The following ADGB variants were observed in gnomAD, a reference collection of about 807,000 sequenced individuals.
The protein encoded by ADGB is androglobin.
In ADGB, 172 loss-of-function variants were observed where a neutral mutation model predicts 210.5. That is an observed-to-expected ratio of 0.82 (90% CI 0.72 to 0.93). The LOEUF is 0.93. Among genes scored for constraint, ADGB ranks in the 40% least tolerant of loss-of-function variants. The probability of loss-of-function intolerance (pLI) is 0.00; values close to 1 mark genes in which losing one functional copy is unlikely to be tolerated. For missense variants in ADGB, 2,025 were observed against 1,964.8 expected, an observed-to-expected ratio of 1.03 and a Z score of -0.58; for synonymous variants, 658 against 662.7, an observed-to-expected ratio of 0.99 and a Z score of 0.11.
At chr6:146,713,164 A>G (rs979855568) in intron 13 of ADGB, among the ~76,000 whole-genome samples, 2 of 152,184 alleles carry the variant, frequency 1.3e-5, no homozygotes, top group Non-Finnish European at 2.9e-5. Context: ...TCATTTGTCA[A>G]TAGATATTGG....
chr6:146,622,290 TC>T (rs1472935802), intron 1 of ADGB, among the ~76,000 whole-genome samples: 1 of 152,138 alleles, frequency 6.6e-6, no homozygotes, highest in Non-Finnish European at 1.5e-5. Flanking sequence ...AGCTAGTTTC[TC>T]TTTTTAGGGC....
intron 1 of ADGB, among the ~76,000 whole-genome samples, chr6:146,601,425 G>C (rs997705074): frequency 3.9e-4 from 59 of 152,306 alleles, no homozygotes; most frequent in African/African-American, 1.3e-3. Flanking sequence ...ATAATTGGAT[G>C]TTAAGTTCAT....
At chr6:146,724,981 C>G (rs1776873259) in intron 18 of ADGB, 1 of 152,068 alleles carries the variant, frequency 6.6e-6, no homozygotes, top group African/African-American at 2.4e-5. Flanking sequence ...ACTTTTTTCC[C>G]AAGATCAATC....
chr6:146,630,576 A>G (rs1781049991), intron 1 of ADGB, among the ~76,000 whole-genome samples: 1 of 152,120 alleles, frequency 6.6e-6, no homozygotes, highest in African/African-American at 2.4e-5. Context: ...CAAAAAAAGA[A>G]TAAGGATCTT....
In ADGB at chr6:146,733,230, T is replaced by C. The variant is rs982233208; in HGVS notation, c.2631T>C (p.Asn877=). 3.3e-6 allele frequency: 5 copies of C among 1,537,670 alleles called. No individual in the cohort carries two copies. The highest frequency in any genetic ancestry group is 4.4e-6 in the Non-Finnish European group (5 of 1,140,092). ...RAMVLDLELL[N]SSLEEVSLVE... ...TGGTTTTGGACTTGGAGTTACTCAA[T>C]TCCTCCTTGGAAGAGGTTTCTTTAG... Residue 877 remains asparagine (N), a synonymous_variant, in exon 21 of 36, where the codon AAT becomes AAC. Transcript: ENST00000397944.
Position 146,692,419 on chromosome 6 carries a change from A to G in ADGB, c.1487-406A>G, listed in dbSNP as rs542720125. Among the ~76,000 whole-genome samples, 26 of 152,270 alleles carry G rather than the reference A, an allele frequency of 1.7e-4. No homozygotes were observed. The South Asian group carries it at 5.4e-3, about 32-fold the overall frequency. ...TTTGTTCTTCCACTGCCGTATTCAT[A>G]TGTTAGTTCACATTTCCTCCTTATA... On this transcript the variant is annotated intron_variant, in intron 11 of 35. Coordinates refer to ENST00000397944, the MANE Select transcript of ADGB (RefSeq NM_024694.4).
chr6:146,724,611 A>G lies in ADGB; in HGVS notation c.2237+284A>G, dbSNP rs141811740. ...GAGCTTGTTTAACCCAGCATTTTCT[A>G]AAATTAATTTATAAATATTATACAC... On this transcript the variant is annotated intron_variant, in intron 18 of 35. Coordinates refer to ENST00000397944, the MANE Select transcript of ADGB (RefSeq NM_024694.4). 54 of 199,538 alleles carry G rather than the reference A, an allele frequency of 2.7e-4. No homozygotes were observed. The East Asian group carries it at 3.6e-3, about 13-fold the overall frequency. The allele number at this position is 199,538 out of a possible 1,614,324, so 12.4% of individuals were successfully genotyped here. A position where few individuals can be genotyped will look rare whatever the true frequency, so the allele number is the denominator to read the frequency against.
At chr6:146,721,265 A>G (rs1776808310) in intron 16 of ADGB, 138 bp from the exon 17 acceptor site, 2 of 599,508 alleles carry the variant, frequency 3.3e-6, no homozygotes, top group Non-Finnish European at 5.9e-6. Flanking sequence ...AATTAGATTC[A>G]TAAAGTATTT....
At position 146,743,256 on chromosome 6, in the gene ADGB, T is replaced by C. The variant is rs187183045; in HGVS notation, c.3177+1985T>C. On this transcript the variant is annotated intron_variant, in intron 25 of 35. Transcript: ENST00000397944. ...TATAGATGTCATCAAATTCTAGCAA[T>C]GAATTTTGTATTACTAGATAAATAT... is the stretch of plus-strand genomic sequence containing the variant. Among the ~76,000 whole-genome samples the C allele has an allele frequency of 6.3e-4, 96 of 152,314 alleles. No individual in the cohort carries two copies. In the Middle Eastern group the frequency reaches 0.01, roughly 16 times the overall value.
At chr6:146,714,912 A>G (rs369335793) in intron 13 of ADGB, among the ~76,000 whole-genome samples, 3 of 152,334 alleles carry the variant, frequency 2.0e-5, no homozygotes, top group East Asian at 1.9e-4. Flanking sequence ...GATATTAAAT[A>G]ATTAAAACAA....
intron 33 of ADGB, among the ~76,000 whole-genome samples, chr6:146,799,767 C>T (rs192790287): frequency 8.1e-4 from 123 of 152,148 alleles, no homozygotes; most frequent in African/African-American, 2.7e-3. Flanking sequence ...TGTACTTCCT[C>T]TCAATTTTAC....
chr6:146,743,472 A>G (rs1777186864), intron 25 of ADGB, among the ~76,000 whole-genome samples: 1 of 152,222 alleles, frequency 6.6e-6, no homozygotes, highest in Non-Finnish European at 1.5e-5. Context: ...GGATAGTTCT[A>G]AGTGATACAT....
At chr6:146,628,849 A>G (rs1354678498) in intron 1 of ADGB, among the ~76,000 whole-genome samples, 2 of 152,076 alleles carry the variant, frequency 1.3e-5, no homozygotes, top group African/African-American at 4.8e-5. Context: ...TTTCATATTG[A>G]AATTATCTGT....
At chr6:146,720,820 C>A (rs1776801332) in intron 16 of ADGB, among the ~76,000 whole-genome samples, 1 of 152,168 alleles carries the variant, frequency 6.6e-6, no homozygotes, top group Non-Finnish European at 1.5e-5. Flanking sequence ...GACAAGTCTG[C>A]TCCCGTGATT....
chr6:146,659,404 A>G (rs542737037), intron 5 of ADGB, among the ~76,000 whole-genome samples: 1 of 151,920 alleles, frequency 6.6e-6, no homozygotes, highest in Admixed American at 6.6e-5. Flanking sequence ...TTTCTTCTTT[A>G]GTTTCTTAAA....
intron 16 of ADGB, among the ~76,000 whole-genome samples, chr6:146,720,992 A>G (rs1776804012): frequency 6.6e-6 from 1 of 152,186 alleles, no homozygotes; most frequent in Non-Finnish European, 1.5e-5. Flanking sequence ...GTAAAATAAG[A>G]CATCCAATTG....
intron 27 of ADGB, among the ~76,000 whole-genome samples, chr6:146,758,257 G>T (rs1777437983): frequency 6.6e-6 from 1 of 151,998 alleles, no homozygotes; most frequent in Non-Finnish European, 1.5e-5. Context: ...TAAAATGGCT[G>T]TTTTCTTTAT....
At chr6:146,737,351 C>G (rs1391771857) in intron 23 of ADGB, among the ~76,000 whole-genome samples, 7 of 152,082 alleles carry the variant, frequency 4.6e-5, no homozygotes, top group African/African-American at 1.7e-4. Flanking sequence ...GTTTAGTGAA[C>G]TGGGTAATAT....
chr6:146,772,830 AG>A (rs1777671505), intron 29 of ADGB, among the ~76,000 whole-genome samples: 1 of 151,988 alleles, frequency 6.6e-6, no homozygotes, highest in Non-Finnish European at 1.5e-5. Flanking sequence ...GGAGGAAGTG[AG>A]GGTAAAATAG....
Sources: gnomAD v4.1 joint callset for allele counts (sites outside exome capture counted in the v4.1 genomes callset) on GRCh38, gnomAD v4.1.1 for gene constraint, MANE v1.5 for transcripts, NCBI Gene and HGNC (gene_info 2026-07-23, HGNC 2026-07-21) for gene names.